SORL1: variants seen among roughly 807,000 people sequenced by gnomAD.
SORL1 encodes the protein sortilin-related receptor.
SORL1 carries 127 observed loss-of-function variants against 273.7 expected under a neutral mutation model. The observed-to-expected ratio is 0.46, with a 90% confidence interval of 0.40 to 0.54. The LOEUF (loss-of-function observed/expected upper bound fraction) is 0.54. Ranked by LOEUF, SORL1 falls within the 20% of genes least tolerant of loss-of-function variation. SORL1 has a pLI of 0.00. For synonymous variants in SORL1, 1,031 were observed against 1,067.4 expected, an observed-to-expected ratio of 0.97 and a Z score of 0.66; for missense variants, 2,494 against 2,846.1, an observed-to-expected ratio of 0.88 and a Z score of 2.81.
At position 121,630,770 on chromosome 11, in the gene SORL1, T is replaced by G. The variant is rs1263448207; in HGVS notation, c.*1207T>G. 6.6e-6 allele frequency: 1 copy of G among 152,074 alleles called. No homozygotes were observed. Among genetic ancestry groups the G allele is most frequent in the Non-Finnish European group, 1.5e-5 (1 of 68,026 alleles). The allele number at this position is 152,074 out of a possible 1,614,324, so 9.4% of individuals were successfully genotyped here. A position where few individuals can be genotyped will look rare whatever the true frequency, so the allele number is the denominator to read the frequency against. On this transcript the variant is annotated 3_prime_UTR_variant, in exon 48 of 48. Transcript: ENST00000260197. ...GTTAACAACAGCAGGAGCACTAGAG[T>G]TTGTTCATTTATTCTCTCTGTAAAA...
At chr11:121,536,804 G>A (rs946654910) in intron 12 of SORL1, among the ~76,000 whole-genome samples, 2 of 152,086 alleles carry the variant, frequency 1.3e-5, no homozygotes, top group Non-Finnish European at 2.9e-5. Flanking sequence ...TGCCCTTTCT[G>A]TGTGCTAGGA....
At chr11:121,511,290 A>G (rs1861874527) in intron 6 of SORL1, among the ~76,000 whole-genome samples, 1 of 152,130 alleles carries the variant, frequency 6.6e-6, no homozygotes, top group African/African-American at 2.4e-5. Flanking sequence ...ATCGTTAAGT[A>G]TTTTTAACTA....
chr11:121,493,794 G>A (rs1352076582), intron 5 of SORL1, among the ~76,000 whole-genome samples: 1 of 152,190 alleles, frequency 6.6e-6, no homozygotes, highest in South Asian at 2.1e-4. Context: ...AGTTCTCCAT[G>A]TAAAGTGAAA....
chr11:121,620,058 G>A (rs1863700313), intron 43 of SORL1, 141 bp downstream of exon 43: 6 of 686,946 alleles, frequency 8.7e-6, no homozygotes, highest in South Asian at 7.2e-5. Flanking sequence ...TCCCATTTCA[G>A]TCTGACCAAA....
chr11:121,464,872 AC>A (rs1486520310), intron 1 of SORL1, among the ~76,000 whole-genome samples: 1 of 152,002 alleles, frequency 6.6e-6, no homozygotes, highest in Non-Finnish European at 1.5e-5. Context: ...CTCCTGTATG[AC>A]TCATTCTAGC....
rs1423324847 is a variant in SORL1 at position 121,508,486 on chromosome 11, G to A, written c.940-4517G>A. On this transcript the variant is annotated intron_variant, in intron 6 of 47. Coordinates refer to ENST00000260197, the MANE Select transcript of SORL1 (RefSeq NM_003105.6). ...ACTATTTTCAGTAAATGCCTTGGCT[G>A]GCTATAAGGCTGTCTATATCATGAA... Among the ~76,000 whole-genome samples the A allele has an allele frequency of 3.9e-5, 6 of 152,204 alleles. No homozygotes were observed. The East Asian group carries it at 1.2e-3, about 29-fold the overall frequency.
At position 121,619,883 on chromosome 11, in the gene SORL1, G is replaced by A; in HGVS notation, c.5855G>A (p.Trp1952Ter). Residue 1952 changes from tryptophan to a stop codon, truncating the protein, a stop_gained, in exon 43 of 48, where the codon TGG (tryptophan) becomes TAG (stop). Transcript: ENST00000260197. LOFTEE classifies it high-confidence loss of function. ...HTGKTSVVIK[W>*]ESPYDSPDQD... ...GGCAAAACCTCCGTGGTCATCAAGT[G>A]GGAATCACCGTATGACTCTCCTGAC... 6.2e-7 allele frequency: 1 copy of A among 1,614,048 alleles called. No individual in the cohort carries two copies. Among genetic ancestry groups the A allele is most frequent in the Non-Finnish European group, 8.5e-7 (1 of 1,179,980 alleles).
At position 121,577,338 on chromosome 11, in the gene SORL1, C is replaced by T; in HGVS notation, c.3518C>T (p.Ser1173Phe). 1.2e-6 allele frequency: 2 copies of T among 1,613,650 alleles called. No individual in the cohort carries two copies. The highest frequency in any genetic ancestry group is 1.7e-6 in the Non-Finnish European group (2 of 1,179,744). The change falls in exon 25 of 48, where the codon TCC (serine) becomes TTC (phenylalanine). Residue 1173 changes from serine to phenylalanine, a missense_variant. By Grantham distance (155) the Ser-to-Phe change is radical. Coordinates refer to ENST00000260197, the MANE Select transcript of SORL1 (RefSeq NM_003105.6). ...TGCAGTTCCGGCATGTGCATCCGCTCCTCCTGGGTATGTGACGGGGACAAC... is the reference window on the plus strand; with the variant it reads ...TGCAGTTCCGGCATGTGCATCCGCTTCTCCTGGGTATGTGACGGGGACAAC... ...YNCSSGMCIR[S>F]SWVCDGDNDC... is the part of the protein sequence containing the mutation.
chr11:121,473,316 CTGGAATCCAGAAAGTCT>C (rs1861201753), intron 2 of SORL1, among the ~76,000 whole-genome samples: 2 of 152,172 alleles, frequency 1.3e-5, no homozygotes, highest in Middle Eastern at 3.2e-3. Context: ...GCTCTGGAAG[CTGGAATCCAGAAAGTCT>C]TGCTCTCAAA....
intron 5 of SORL1, among the ~76,000 whole-genome samples, chr11:121,493,299 C>A (rs1049534315): frequency 1.3e-5 from 2 of 152,026 alleles, no homozygotes; most frequent in Non-Finnish European, 2.9e-5. Context: ...TAAGTATGAC[C>A]AGGCTGGAGT....
chr11:121,546,119 T>G (rs7933552), intron 14 of SORL1, among the ~76,000 whole-genome samples: 66,506 of 152,034 alleles, frequency 0.44, 14,778 homozygotes, highest in Middle Eastern at 0.54. Context: ...TCTGCAACAG[T>G]CAGGTGTAGA....
chr11:121,581,165 G>A (rs911693685), intron 25 of SORL1, among the ~76,000 whole-genome samples: 4 of 152,004 alleles, frequency 2.6e-5, no homozygotes, highest in Non-Finnish European at 4.4e-5. Flanking sequence ...CACCCTCCTC[G>A]GCCTCCCAAA....
intron 6 of SORL1, among the ~76,000 whole-genome samples, chr11:121,502,975 A>G (rs1013136986): frequency 6.6e-6 from 1 of 151,972 alleles, no homozygotes; most frequent in Non-Finnish European, 1.5e-5. Flanking sequence ...TGCTCAAGCA[A>G]TCCTCCTATC....
Position 121,619,063 on chromosome 11 carries a change from G to A in SORL1, c.5724+170G>A, listed in dbSNP as rs556014684. Among the ~76,000 whole-genome samples the A allele has an allele frequency of 4.6e-5, 7 of 152,308 alleles. No homozygotes were observed. The South Asian group carries it at 1.4e-3, about 32-fold the overall frequency. Reference sequence around the variant, plus strand: ...TCATCAGGTTCTTGCTTGAAATACAGAATGAACGGCCACTTTCACCAACTG... The same window carrying A: ...TCATCAGGTTCTTGCTTGAAATACAAAATGAACGGCCACTTTCACCAACTG... On this transcript the variant is annotated intron_variant, in intron 42 of 47. Transcript: ENST00000260197.
chr11:121,485,560 GA>G (rs1199419844), intron 3 of SORL1, among the ~76,000 whole-genome samples: 1 of 152,234 alleles, frequency 6.6e-6, no homozygotes, highest in Non-Finnish European at 1.5e-5. Flanking sequence ...AAGTGCTCTT[GA>G]AAACGTTTAG....
chr11:121,595,803 G>A lies in SORL1; in HGVS notation c.4519+31G>A. 4 of 1,605,240 alleles carry A rather than the reference G, an allele frequency of 2.5e-6. No individual in the cohort carries two copies. The highest frequency in any genetic ancestry group is 3.4e-6 in the Non-Finnish European group (4 of 1,178,700). On this transcript the variant is annotated intron_variant, in intron 32 of 47. Transcript: ENST00000260197. This position sits in a 1 kb window ranked among gnomAD's most constrained non-coding sequence, Gnocchi z 5.1. ...TAGTCAGAGAGCCCTTCACCCCCTG[G>A]GCACGTTTCTGCAGAGAGCACAGTT...
In SORL1 at chr11:121,557,301, C is replaced by A; in HGVS notation, c.2572-13C>A. 6.2e-7 allele frequency: 1 copy of A among 1,602,206 alleles called. No individual in the cohort carries two copies. The highest frequency in any genetic ancestry group is 8.6e-7 in the Non-Finnish European group (1 of 1,169,202). On this transcript the variant is annotated splice_polypyrimidine_tract_variant and intron_variant, in intron 18 of 47. Transcript: ENST00000260197. ...CGATCCATCTCAGCCTCTTTTCCCC[C>A]TGTTTTTGTCAGGTAGCTAATCCAG...
intron 14 of SORL1, chr11:121,546,718 A>G (rs2134891309): frequency 6.6e-6 from 1 of 152,334 alleles, no homozygotes; most frequent in African/African-American, 2.4e-5. Flanking sequence ...GGCAGTGCCC[A>G]TGGGTGAATG....
intron 21 of SORL1, among the ~76,000 whole-genome samples, chr11:121,560,797 G>T (rs1277468561): frequency 6.6e-6 from 1 of 152,220 alleles, no homozygotes; most frequent in Non-Finnish European, 1.5e-5. Flanking sequence ...TGACCTGTGA[G>T]GTAGGGAAGG....
Sources: gnomAD v4.1 joint callset for allele counts (sites outside exome capture counted in the v4.1 genomes callset) on GRCh38, gnomAD v4.1.1 for gene constraint, Gnocchi (gnomAD v3.1) non-coding constraint, MANE v1.5 for transcripts, NCBI Gene and HGNC (gene_info 2026-07-23, HGNC 2026-07-21) for gene names.